The following PRKG1 variants were observed in gnomAD, a reference collection of about 807,000 sequenced individuals.
PRKG1 encodes the protein cGMP-dependent protein kinase 1.
In PRKG1, 35 loss-of-function variants were observed where a neutral mutation model predicts 88.1. The ratio of observed to expected loss-of-function variants is 0.40; its 90% CI spans 0.30 to 0.53. The LOEUF is 0.53. Ranked by LOEUF, PRKG1 falls within the 20% of genes least tolerant of loss-of-function variation. The probability of loss-of-function intolerance (pLI) is 0.59; values close to 1 mark genes in which losing one functional copy is unlikely to be tolerated. For missense variants in PRKG1, 540 were observed against 839.8 expected, an observed-to-expected ratio of 0.64 and a Z score of 4.41; for synonymous variants, 303 against 292.5, an observed-to-expected ratio of 1.04 and a Z score of -0.37.
At chr10:51,181,904 G>A (rs76083984) in intron 2 of PRKG1, among the ~76,000 whole-genome samples, 1,868 of 152,244 alleles carry the variant, frequency 0.012, 15 homozygotes, top group Admixed American at 0.024. Flanking sequence ...CAACAGTTTT[G>A]TCAGTTTAAC....
intron 3 of PRKG1, chr10:51,697,634 T>C: frequency 9.9e-6 from 15 of 1,521,034 alleles, no homozygotes; most frequent in Non-Finnish European, 1.3e-5. Flanking sequence ...AGTCAGCTTT[T>C]TGCACCCATT....
intron 3 of PRKG1, among the ~76,000 whole-genome samples, chr10:51,720,648 C>A (rs1250656076): frequency 6.6e-6 from 1 of 152,156 alleles, no homozygotes; most frequent in South Asian, 2.1e-4. Flanking sequence ...ACATGTGCAA[C>A]TGGGAAAGCC....
chr10:51,093,605 G>GT (rs1844449818), intron 1 of PRKG1, among the ~76,000 whole-genome samples: 1 of 148,692 alleles, frequency 6.7e-6, no homozygotes, highest in Admixed American at 6.7e-5. Context: ...GTCAACTCTT[G>GT]TTTTTTTAAT....
chr10:52,212,901 T>C (rs1227777852), intron 9 of PRKG1, among the ~76,000 whole-genome samples: 6 of 152,150 alleles, frequency 3.9e-5, no homozygotes, highest in African/African-American at 1.4e-4. Flanking sequence ...TAAAAGAAAA[T>C]TGAACAGGAA....
chr10:51,026,304 A>G (rs1454723806), intron 1 of PRKG1, among the ~76,000 whole-genome samples: 2 of 152,160 alleles, frequency 1.3e-5, no homozygotes, highest in East Asian at 3.9e-4. Flanking sequence ...AGGGGAATAA[A>G]CATCCTGTGC....
At position 52,053,922 on chromosome 10, in the gene PRKG1, G is replaced by A. The variant is rs76993404; in HGVS notation, c.763-562G>A. 5.3e-5 allele frequency among the ~76,000 whole-genome samples: 8 copies of A among 152,148 alleles called. No individual in the cohort carries two copies. In the East Asian group the frequency reaches 1.5e-3, roughly 29 times the overall value. On this transcript the variant is annotated intron_variant, in intron 5 of 17. Transcript: ENST00000373980. The stretch of plus-strand genomic sequence containing the variant: ...TCTAACCCACAATAAAAATCAACCT[G>A]GTTTCAAAGGAAGATTTTTACATGC...
intron 3 of PRKG1, among the ~76,000 whole-genome samples, chr10:51,795,175 G>A (rs1838977149): frequency 6.6e-6 from 1 of 151,980 alleles, no homozygotes; most frequent in Non-Finnish European, 1.5e-5. Flanking sequence ...GCCTTTACAG[G>A]TTACTTTCTA....
At chr10:51,067,188 G>A (rs889939166) in intron 1 of PRKG1, among the ~76,000 whole-genome samples, 2 of 151,254 alleles carry the variant, frequency 1.3e-5, no homozygotes, top group African/African-American at 4.9e-5. Flanking sequence ...GTGGGAGGTG[G>A]GATAGGATGG....
At chr10:51,395,199 G>T (rs1322133437) in intron 2 of PRKG1, among the ~76,000 whole-genome samples, 3 of 152,154 alleles carry the variant, frequency 2.0e-5, no homozygotes, top group Admixed American at 1.3e-4. Flanking sequence ...TTCTCACTGA[G>T]ATATCTCTCC....
intron 8 of PRKG1, among the ~76,000 whole-genome samples, chr10:52,140,953 A>T (rs1837564609): frequency 1.3e-5 from 2 of 152,162 alleles, no homozygotes; most frequent in Admixed American, 1.3e-4. Flanking sequence ...TGATACACTT[A>T]AAATATTTCA....
chr10:51,236,832 G>A (rs529018317), intron 2 of PRKG1, among the ~76,000 whole-genome samples: 1 of 152,170 alleles, frequency 6.6e-6, no homozygotes, highest in East Asian at 1.9e-4. Flanking sequence ...AGTTTTGTGA[G>A]ATGCCAGTAT....
intron 1 of PRKG1, among the ~76,000 whole-genome samples, chr10:51,045,266 T>G (rs1355917703): frequency 6.6e-6 from 1 of 152,128 alleles, no homozygotes; most frequent in Non-Finnish European, 1.5e-5. Flanking sequence ...TATACATACA[T>G]TTCAAATAAA....
chr10:51,839,207 A>G (rs1358328337), intron 4 of PRKG1, among the ~76,000 whole-genome samples: 1 of 152,196 alleles, frequency 6.6e-6, no homozygotes, highest in Non-Finnish European at 1.5e-5. Flanking sequence ...TTTGAAATAA[A>G]GATGAAATGT....
chr10:51,290,429 A>G (rs10762002), intron 2 of PRKG1, among the ~76,000 whole-genome samples: 59,054 of 151,940 alleles, frequency 0.39, 11,691 homozygotes, highest in Admixed American at 0.49. Context: ...TTCCAAAAAT[A>G]TATATCACTA....
chr10:51,470,004 C>T (rs999164951), intron 3 of PRKG1, among the ~76,000 whole-genome samples: 2 of 151,842 alleles, frequency 1.3e-5, no homozygotes, highest in African/African-American at 4.8e-5. Flanking sequence ...GCCACCTCTG[C>T]TATCTAGGGA....
chr10:51,419,602 C>T (rs1484665882), intron 2 of PRKG1, among the ~76,000 whole-genome samples: 1 of 152,086 alleles, frequency 6.6e-6, no homozygotes. Flanking sequence ...GACAAAGGAA[C>T]ATTAAGTTCT....
intron 3 of PRKG1, among the ~76,000 whole-genome samples, chr10:51,556,797 A>G: frequency 6.6e-6 from 1 of 152,014 alleles, no homozygotes; most frequent in Admixed American, 6.6e-5. Context: ...GGGCAACAGG[A>G]TCATTTGTAA....
At chr10:51,826,171 C>T (rs1349053466) in intron 4 of PRKG1, among the ~76,000 whole-genome samples, 1 of 151,982 alleles carries the variant, frequency 6.6e-6, no homozygotes, top group Non-Finnish European at 1.5e-5. Flanking sequence ...TGTGGTAGTA[C>T]ATTTAACAGT....
intron 5 of PRKG1, among the ~76,000 whole-genome samples, chr10:52,036,389 G>A (rs1043985287): frequency 1.3e-5 from 2 of 150,728 alleles, no homozygotes; most frequent in South Asian, 2.2e-4. Context: ...AGGCTCGTCC[G>A]GTTTTAGGAC....
Sources: allele counts gnomAD v4.1 joint callset (sites outside exome capture counted in the v4.1 genomes callset), GRCh38; gene constraint gnomAD v4.1.1; transcripts MANE v1.5; gene names NCBI Gene and HGNC (gene_info 2026-07-23, HGNC 2026-07-21).